The following ZFP30 variants were observed in gnomAD, a reference collection of about 807,000 sequenced individuals.
The protein encoded by ZFP30 is zinc finger protein 30 homolog.
Under a neutral mutation model 12.3 loss-of-function variants are expected in ZFP30, and 16 were observed. The ratio of observed to expected loss-of-function variants is 1.30; its 90% CI spans 0.88 to 1.98. ZFP30 has a LOEUF of 1.98. ZFP30 is among the 30% of genes most tolerant of loss of function. ZFP30 has a pLI of 0.00. For synonymous variants in ZFP30, 172 were observed against 201.0 expected, an observed-to-expected ratio of 0.86 and a Z score of 1.22; for missense variants, 560 against 611.2, an observed-to-expected ratio of 0.92 and a Z score of 0.88.
intron 5 of ZFP30, 70 bp from the exon 6 acceptor site, chr19:37,636,375 A>T (rs985700960): frequency 7.5e-5 from 101 of 1,341,418 alleles, no homozygotes; most frequent in Non-Finnish European, 9.6e-5. Flanking sequence ...ACTTTATAAT[A>T]GAAATCGGTG....
At chr19:37,641,817 A>G (rs1313310934) in intron 5 of ZFP30, among the ~76,000 whole-genome samples, 1 of 152,224 alleles carries the variant, frequency 6.6e-6, no homozygotes, top group Non-Finnish European at 1.5e-5. Flanking sequence ...ATCTCTTTTA[A>G]TCTATAGGTT....
intron 2 of ZFP30, 107 bp from the exon 3 acceptor site, chr19:37,648,006 C>A: frequency 1.6e-6 from 1 of 624,378 alleles, no homozygotes; most frequent in South Asian, 2.1e-5. Context: ...CCACCCCCAA[C>A]ACACAGACAA....
chr19:37,638,327 C>T (rs2147261649), intron 5 of ZFP30, among the ~76,000 whole-genome samples: 1 of 152,246 alleles, frequency 6.6e-6, no homozygotes, highest in East Asian at 1.9e-4. Context: ...CCCATAATGC[C>T]ATTTGTGTAC....
In ZFP30 at chr19:37,635,955, T is replaced by C. The variant is rs747924294; in HGVS notation, c.586A>G (p.Arg196Gly). The stretch of plus-strand genomic sequence containing the variant: ...TGTCGACTGAGGTGGGCACACTGTC[T>C]AAAGGCTTTTCCACATTCTTTACAT... ...YECKECGKAF[R>G]QCAHLSRHQR... The change falls in exon 6 of 6, where the codon AGA (arginine) becomes GGA (glycine). Residue 196 changes from arginine to glycine, a missense_variant. Physicochemically the swap from Arg to Gly is moderately radical, Grantham distance 125 (BLOSUM62 -2). Transcript: ENST00000684514. 1 of 1,614,210 alleles carries C rather than the reference T, an allele frequency of 6.2e-7. No homozygotes were observed. Among genetic ancestry groups the C allele is most frequent in the Non-Finnish European group, 8.5e-7 (1 of 1,180,026 alleles).
chr19:37,639,586 C>A (rs117468432), intron 5 of ZFP30, among the ~76,000 whole-genome samples: 1 of 151,420 alleles, frequency 6.6e-6, no homozygotes, highest in Middle Eastern at 3.4e-3. Context: ...ACCCCAATCT[C>A]GAAAAACTAA....
At chr19:37,648,008 C>A in intron 2 of ZFP30, 109 bp from the exon 3 acceptor site, 1 of 621,586 alleles carries the variant, frequency 1.6e-6, no homozygotes, top group African/African-American at 1.8e-5. Context: ...ACCCCCAACA[C>A]ACAGACAAGT....
intron 2 of ZFP30, among the ~76,000 whole-genome samples, chr19:37,652,296 G>A (rs562116345): frequency 3.4e-4 from 52 of 152,302 alleles, no homozygotes; most frequent in African/African-American, 1.2e-3. Flanking sequence ...GCCGGGTACG[G>A]TGGCTCACAC....
Position 37,635,751 on chromosome 19 carries a change from G to A in ZFP30, c.790C>T (p.His264Tyr). 1 of 1,614,178 alleles carries A rather than the reference G, an allele frequency of 6.2e-7. No individual in the cohort carries two copies. The highest frequency in any genetic ancestry group is 8.5e-7 in the Non-Finnish European group (1 of 1,180,048). Residue 264 changes from histidine (H) to tyrosine (Y), a missense_variant, in exon 6 of 6, where the codon CAC (histidine) becomes TAC (tyrosine). Transcript: ENST00000684514. ...RGQLNLHQRI[H>Y]TGEKPYECKE... ...CATTCATAGGGTTTCTCACCCGTGT[G>A]AATCCTTTGATGGAGATTAAGTTGT...
chr19:37,654,495 T>G (rs548976272), intron 2 of ZFP30, among the ~76,000 whole-genome samples: 1 of 152,292 alleles, frequency 6.6e-6, no homozygotes, highest in African/African-American at 2.4e-5. Flanking sequence ...AGTAATTGAA[T>G]TTGCAGCCTA....
intron 2 of ZFP30, 68 bp from the exon 3 acceptor site, chr19:37,647,967 T>A: frequency 1.2e-6 from 1 of 850,130 alleles, no homozygotes; most frequent in Non-Finnish European, 1.9e-6. Context: ...TAAAAACTGG[T>A]ACTACTTCTC....
At chr19:37,638,223 CCAAGGTAATA>C (rs1287201451) in intron 5 of ZFP30, among the ~76,000 whole-genome samples, 2 of 152,184 alleles carry the variant, frequency 1.3e-5, no homozygotes, top group African/African-American at 4.8e-5. Context: ...CCTTTCACGA[CCAAGGTAATA>C]AGAGTCTCTA....
At chr19:37,637,220 T>TTA (rs1344089592) in intron 5 of ZFP30, among the ~76,000 whole-genome samples, 2 of 150,072 alleles carry the variant, frequency 1.3e-5, no homozygotes, top group African/African-American at 4.9e-5. Context: ...TTTTTTTTTT[T>TTA]AAAGACAGAG....
chr19:37,645,862 G>T (rs988187967), intron 3 of ZFP30, among the ~76,000 whole-genome samples: 5 of 151,996 alleles, frequency 3.3e-5, no homozygotes, highest in African/African-American at 1.2e-4. Flanking sequence ...TCTTCTAGAT[G>T]TAACTTTATC....
chr19:37,637,203 C>CTT (rs1002235029), intron 5 of ZFP30, among the ~76,000 whole-genome samples: 8 of 131,838 alleles, frequency 6.1e-5, no homozygotes, highest in African/African-American at 1.4e-4. Context: ...TTCTTTTTTT[C>CTT]TTTTTTTTTT....
chr19:37,655,461 A>G lies in ZFP30; in HGVS notation c.-287T>C, dbSNP rs1161023659. The G allele has an allele frequency of 6.6e-6, 1 of 152,338 alleles. No homozygotes were observed. The highest frequency in any genetic ancestry group is 1.5e-5 in the Non-Finnish European group (1 of 68,114). 9.4% of individuals were successfully genotyped at this position (152,338 alleles called of 1,614,324 possible). A position where few individuals can be genotyped will look rare whatever the true frequency, so the allele number is the denominator to read the frequency against. On this transcript the variant is annotated 5_prime_UTR_variant, in exon 1 of 6. Coordinates refer to ENST00000684514, the MANE Select transcript of ZFP30 (RefSeq NM_001320669.3). The stretch of plus-strand genomic sequence containing the variant: ...CCCAGCCCTGGGAGTCAGCGGCGCC[A>G]GAATACGGGAGAGCGCCTGTCTCCG...
chr19:37,642,608 T>A (rs1338536076), intron 5 of ZFP30, among the ~76,000 whole-genome samples: 2 of 152,018 alleles, frequency 1.3e-5, no homozygotes, highest in Non-Finnish European at 2.9e-5. Flanking sequence ...TCCATGAACA[T>A]GGGCAATGAA....
At chr19:37,642,120 A>G (rs1307001965) in intron 5 of ZFP30, among the ~76,000 whole-genome samples, 4 of 152,228 alleles carry the variant, frequency 2.6e-5, no homozygotes, top group African/African-American at 9.7e-5. Context: ...TCTAAATCCA[A>G]TAGTTCTTAT....
chr19:37,647,676 C>T (rs972354014), intron 3 of ZFP30, 138 bp downstream of exon 3: 2 of 1,032,452 alleles, frequency 1.9e-6, no homozygotes, highest in Non-Finnish European at 1.5e-6. Context: ...CTGGCTCCAT[C>T]CCGTGCTGGA....
Position 37,635,591 on chromosome 19 carries a change from T to G in ZFP30, c.950A>C (p.His317Pro). 1 of 1,614,208 alleles carries G rather than the reference T, an allele frequency of 6.2e-7. No individual in the cohort carries two copies. The change falls in exon 6 of 6, where the codon CAC becomes CCC. Residue 317 changes from histidine to proline, a missense_variant. Physicochemically the swap from His to Pro is moderately conservative, Grantham distance 77 (BLOSUM62 -2). Coordinates refer to ENST00000684514, the MANE Select transcript of ZFP30 (RefSeq NM_001320669.3). ...FLCSTGLRLH[H>P]KLHTGEKPYE... ...GGGTTTTTCTCCAGTATGAAGTTTG[T>G]GATGTAGTCGAAGGCCTGTACTACA...
Sources: allele counts gnomAD v4.1 joint callset (sites outside exome capture counted in the v4.1 genomes callset), GRCh38; gene constraint gnomAD v4.1.1; transcripts MANE v1.5; gene names NCBI Gene and HGNC (gene_info 2026-07-23, HGNC 2026-07-21).